The following TAFA2 variants were observed in gnomAD, a reference collection of about 807,000 sequenced individuals.
TAFA2 encodes TAFA chemokine like family member 2.
Under a neutral mutation model 18.8 loss-of-function variants are expected in TAFA2, and 7 were observed. The ratio of observed to expected loss-of-function variants is 0.37; its 90% CI spans 0.21 to 0.70. The LOEUF is 0.70. Ranked by LOEUF, TAFA2 falls within the 30% of genes least tolerant of loss-of-function variation. The pLI is 0.53. For missense variants in TAFA2, 122 were observed against 158.1 expected (o/e 0.77, Z 1.23); for synonymous variants, 60 against 54.2 (o/e 1.11, Z -0.47).
chr12:61,973,682 A>T lies in TAFA2; in HGVS notation c.-1-106256T>A, dbSNP rs145453688. Among the ~76,000 whole-genome samples the T allele has an allele frequency of 5.3e-4, 80 of 151,862 alleles. No individual in the cohort carries two copies. The East Asian group carries it at 0.013, about 24-fold the overall frequency. On this transcript the variant is annotated intron_variant, in intron 1 of 4. Coordinates refer to ENST00000416284, the MANE Select transcript of TAFA2 (RefSeq NM_178539.5). Reference sequence around the variant, plus strand: ...CATACAAGTTGGAAACTACTGTGTTAACATAGAACTCCTTAAAGGAAACCT... The same window carrying T: ...CATACAAGTTGGAAACTACTGTGTTTACATAGAACTCCTTAAAGGAAACCT...
intron 1 of TAFA2, among the ~76,000 whole-genome samples, chr12:62,111,246 C>G (rs1869717505): frequency 6.6e-6 from 1 of 152,088 alleles, no homozygotes; most frequent in South Asian, 2.1e-4. Context: ...TGTTATTTAC[C>G]CAGTAGTCAT....
intron 1 of TAFA2, among the ~76,000 whole-genome samples, chr12:62,010,150 C>T (rs1193332866): frequency 1.3e-5 from 2 of 150,354 alleles, no homozygotes; most frequent in Non-Finnish European, 3.0e-5. Flanking sequence ...TCTCCCTCTC[C>T]CTCTCCCCCT....
At position 61,726,373 on chromosome 12, in the gene TAFA2, A is replaced by T. The variant is rs372364785; in HGVS notation, c.385-15956T>A. Among the ~76,000 whole-genome samples the T allele has an allele frequency of 3.9e-5, 6 of 152,016 alleles. No individual in the cohort carries two copies. The East Asian group carries it at 9.7e-4, about 24-fold the overall frequency. ...GATTCTACCCATCCATGAGCATGAG[A>T]TGAGTTTCTATTTGTTAGTGTCGTC... On this transcript the variant is annotated intron_variant, in intron 4 of 4. Transcript: ENST00000416284.
chr12:61,763,000 G>GA (rs11422054), intron 2 of TAFA2, among the ~76,000 whole-genome samples: 16,081 of 151,944 alleles, frequency 0.11, 1,071 homozygotes, highest in East Asian at 0.2. Flanking sequence ...ACTTTAAATT[G>GA]AAAAAATGTG....
intron 2 of TAFA2, among the ~76,000 whole-genome samples, chr12:61,847,862 T>C (rs886788777): frequency 6.6e-6 from 1 of 152,166 alleles, no homozygotes; most frequent in Middle Eastern, 3.2e-3. Context: ...AAATAATACA[T>C]AGGCTATAAC....
intron 2 of TAFA2, among the ~76,000 whole-genome samples, chr12:61,778,221 C>G (rs957498273): frequency 6.6e-6 from 1 of 151,852 alleles, no homozygotes; most frequent in Non-Finnish European, 1.5e-5. Flanking sequence ...TAAGGATTAA[C>G]TGGATTCAAA....
intron 2 of TAFA2, among the ~76,000 whole-genome samples, chr12:61,788,301 C>T (rs937067619): frequency 6.6e-6 from 1 of 151,594 alleles, no homozygotes; most frequent in Non-Finnish European, 1.5e-5. Context: ...GTTATCCAGA[C>T]CAAAAACATC....
intron 1 of TAFA2, among the ~76,000 whole-genome samples, chr12:62,131,846 T>C (rs1201158512): frequency 6.6e-6 from 1 of 152,032 alleles, no homozygotes; most frequent in Admixed American, 6.6e-5. Flanking sequence ...CCCCATTTTT[T>C]ATTTGCTGTA....
intron 1 of TAFA2, among the ~76,000 whole-genome samples, chr12:61,933,310 C>T (rs1300394964): frequency 6.6e-6 from 1 of 152,072 alleles, no homozygotes; most frequent in Non-Finnish European, 1.5e-5. Context: ...ATATAGTTTC[C>T]ACCTTTATGT....
chr12:61,731,237 C>T (rs866379088), intron 4 of TAFA2, among the ~76,000 whole-genome samples: 3 of 152,014 alleles, frequency 2.0e-5, no homozygotes, highest in East Asian at 1.9e-4. Flanking sequence ...TGGACTTTAC[C>T]CCTCCAAACT....
chr12:61,973,574 C>G (rs1282687716), intron 1 of TAFA2, among the ~76,000 whole-genome samples: 1 of 151,502 alleles, frequency 6.6e-6, no homozygotes, highest in Non-Finnish European at 1.5e-5. Flanking sequence ...CAAGCTATCA[C>G]CCAGAACAAT....
At chr12:61,783,215 GA>G (rs1366768293) in intron 2 of TAFA2, among the ~76,000 whole-genome samples, 3 of 151,244 alleles carry the variant, frequency 2.0e-5, no homozygotes, top group Non-Finnish European at 4.4e-5. Context: ...ATCAGAAATA[GA>G]AAAAAACAAA....
chr12:62,202,315 T>C (rs1171213866), intron 1 of TAFA2, among the ~76,000 whole-genome samples: 1 of 152,032 alleles, frequency 6.6e-6, no homozygotes, highest in Non-Finnish European at 1.5e-5. Flanking sequence ...CTAGTTCTAT[T>C]AATTGTGATG....
At chr12:62,164,473 C>T (rs2062426206) in intron 1 of TAFA2, among the ~76,000 whole-genome samples, 1 of 152,100 alleles carries the variant, frequency 6.6e-6, no homozygotes, top group South Asian at 2.1e-4. Flanking sequence ...ATTGCAAGTG[C>T]TACTTCCCGT....
chr12:61,918,127 C>G (rs1876904998), intron 1 of TAFA2, among the ~76,000 whole-genome samples: 1 of 151,910 alleles, frequency 6.6e-6, no homozygotes, highest in Non-Finnish European at 1.5e-5. Flanking sequence ...AACAGGACAT[C>G]CATCACCTCA....
chr12:62,075,557 G>A (rs1868246867), intron 1 of TAFA2, among the ~76,000 whole-genome samples: 1 of 152,118 alleles, frequency 6.6e-6, no homozygotes, highest in South Asian at 2.1e-4. Flanking sequence ...CAACTATAAG[G>A]AGTGAAGCTG....
chr12:61,952,868 G>C (rs1878517799), intron 1 of TAFA2, among the ~76,000 whole-genome samples: 1 of 151,996 alleles, frequency 6.6e-6, no homozygotes, highest in South Asian at 2.1e-4. Context: ...AAAGAACCGA[G>C]TACGTGTTTT....
intron 1 of TAFA2, among the ~76,000 whole-genome samples, chr12:62,077,598 T>C (rs546649843): frequency 6.6e-6 from 1 of 152,188 alleles, no homozygotes; most frequent in African/African-American, 2.4e-5. Context: ...TTATAAAGCA[T>C]GCAATAAATT....
chr12:62,178,847 C>T (rs184907844), intron 1 of TAFA2, among the ~76,000 whole-genome samples: 15 of 152,300 alleles, frequency 9.8e-5, no homozygotes, highest in Admixed American at 9.8e-4. Context: ...ACTTGTTAAA[C>T]ATCCTTGAAA....
Sources: gnomAD v4.1 joint callset for allele counts (sites outside exome capture counted in the v4.1 genomes callset) on GRCh38, gnomAD v4.1.1 for gene constraint, MANE v1.5 for transcripts, NCBI Gene and HGNC (gene_info 2026-07-23, HGNC 2026-07-21) for gene names.